GALNT9: variants seen among roughly 807,000 people sequenced by gnomAD.
GALNT9 encodes the protein GalNAc transferase 9.
In GALNT9, 47 loss-of-function variants were observed where a neutral mutation model predicts 63.1. That is an observed-to-expected ratio of 0.75 (90% CI 0.59 to 0.95). GALNT9 has a LOEUF of 0.95. GALNT9 is among the 40% of genes least tolerant of loss of function. GALNT9 has a pLI of 0.00. For synonymous variants in GALNT9, 396 were observed against 365.7 expected (o/e 1.08, Z -0.94); for missense variants, 829 against 874.8 (o/e 0.95, Z 0.66).
intron 6 of GALNT9, among the ~76,000 whole-genome samples, chr12:132,227,434 C>T (rs1002537643): frequency 4.9e-4 from 74 of 152,296 alleles, no homozygotes; most frequent in African/African-American, 1.5e-3. Flanking sequence ...CCTCAGGCCG[C>T]GTTACACCCA....
intron 6 of GALNT9, among the ~76,000 whole-genome samples, chr12:132,222,790 G>A (rs936376449): frequency 6.6e-6 from 1 of 151,562 alleles, no homozygotes; most frequent in African/African-American, 2.4e-5. Context: ...AGATACGGAC[G>A]CTATGGACGC....
chr12:132,239,643 GAGACAGAGTCAGAGAC>G (rs1555236710), intron 6 of GALNT9, among the ~76,000 whole-genome samples: 2 of 148,798 alleles, frequency 1.3e-5, no homozygotes, highest in African/African-American at 4.9e-5. Context: ...GACAGAGTCA[GAGACAGAGTCAGAGAC>G]AGAGAGAGAC....
rs1179738641 is a variant in GALNT9, at chr12:132,316,047, T to C, written c.238+12919A>G. 6.6e-6 allele frequency among the ~76,000 whole-genome samples: 1 copy of C among 152,054 alleles called. No individual in the cohort carries two copies. The highest frequency in any genetic ancestry group is 3.2e-3 in the Middle Eastern group (1 of 316). ...GCCCCCGAAACGGCCGCCCACCCCC[T>C]CACGCCTGCAGGTCTTGGGTTCCGT... On this transcript the variant is annotated intron_variant, in intron 1 of 10. Transcript: ENST00000328957. The surrounding 1 kb of genome is among the most constrained non-coding windows in gnomAD (Gnocchi z 4.3).
In GALNT9 at chr12:132,245,566, G is replaced by A. The variant is rs528568281; in HGVS notation, c.1077+2344C>T. The stretch of plus-strand genomic sequence containing the variant: ...GCCTGCTGACCCTCGCCCAGCCAGG[G>A]CCCTCCGTGGTCCGGCACCCACACC... On this transcript the variant is annotated intron_variant, in intron 6 of 10. Coordinates refer to ENST00000328957, the MANE Select transcript of GALNT9 (RefSeq NM_001122636.2). The surrounding 1 kb of genome is among the most constrained non-coding windows in gnomAD (Gnocchi z 6.3). Among the ~76,000 whole-genome samples, 9 of 149,822 alleles carry A rather than the reference G, an allele frequency of 6.0e-5. No individual in the cohort carries two copies. The East Asian group carries it at 1.8e-3, about 29-fold the overall frequency.
In GALNT9 at chr12:132,282,319, G is replaced by A. The variant is rs1880388084; in HGVS notation, c.419+3931C>T. ...TGGGGTCCCACATCCCACAGAGGGG[G>A]AATCCAATGGGACCCCTGCAGCTCT... On this transcript the variant is annotated intron_variant, in intron 2 of 10. Coordinates refer to ENST00000328957, the MANE Select transcript of GALNT9 (RefSeq NM_001122636.2). The surrounding 1 kb of genome is among the most constrained non-coding windows in gnomAD (Gnocchi z 4.5). Among the ~76,000 whole-genome samples the A allele has an allele frequency of 6.6e-6, 1 of 152,218 alleles. No homozygotes were observed.
At position 132,203,471 on chromosome 12, in the gene GALNT9, C is replaced by T. The variant is rs938177878; in HGVS notation, c.1263+34G>A. 5.0e-6 allele frequency: 8 copies of T among 1,608,336 alleles called. No homozygotes were observed. The African/African-American group carries it at 5.3e-5, about 11-fold the overall frequency. The stretch of plus-strand genomic sequence containing the variant: ...CGTGGCATTGACCCCGACCCTGGGG[C>T]ATGGCCCCGGCTCCCGGCCTGTGGG... On this transcript the variant is annotated intron_variant, in intron 7 of 10. Coordinates refer to ENST00000328957, the MANE Select transcript of GALNT9 (RefSeq NM_001122636.2).
chr12:132,256,615 A>G (rs1373178090), intron 5 of GALNT9, among the ~76,000 whole-genome samples: 1 of 85,572 alleles, frequency 1.2e-5, no homozygotes, highest in Non-Finnish European at 2.2e-5. Flanking sequence ...GAGGGGGAAC[A>G]CTGGAGGGGG....
intron 6 of GALNT9, among the ~76,000 whole-genome samples, chr12:132,204,172 AG>A (rs1565984418): frequency 4.2e-4 from 6 of 14,406 alleles, no homozygotes; most frequent in Non-Finnish European, 1.5e-3. Context: ...CAGCCTCCCC[AG>A]CTAATAAAAC....
chr12:132,233,231 C>T (rs1320404476), intron 6 of GALNT9, among the ~76,000 whole-genome samples: 1 of 20,724 alleles, frequency 4.8e-5, no homozygotes, highest in Non-Finnish European at 9.2e-5. Flanking sequence ...GCCACACACT[C>T]GATGGGGCGA....
chr12:132,257,856 C>T lies in GALNT9; in HGVS notation c.792G>A (p.Glu264=), dbSNP rs1555239281. Reference sequence around the variant, plus strand: ...CTGGCAGCACGATGCGACGCCGGTCCTCTCGGATCCGCGACAGTGCGGGCT... The same window carrying T: ...CTGGCAGCACGATGCGACGCCGGTCTTCTCGGATCCGCGACAGTGCGGGCT... ...WAEPALSRIR[E]DRRRIVLPAI... Residue 264 remains glutamate (E), a synonymous_variant, in exon 5 of 11, where the codon GAG becomes GAA. Coordinates refer to ENST00000328957, the MANE Select transcript of GALNT9 (RefSeq NM_001122636.2). 1.3e-6 allele frequency: 2 copies of T among 1,548,136 alleles called. No individual in the cohort carries two copies. Among genetic ancestry groups the T allele is most frequent in the Non-Finnish European group, 1.7e-6 (2 of 1,146,358 alleles).
intron 1 of GALNT9, among the ~76,000 whole-genome samples, chr12:132,324,609 C>A (rs1483858728): frequency 3.7e-4 from 57 of 152,328 alleles, no homozygotes; most frequent in Admixed American, 3.7e-3. Flanking sequence ...GTGCAGTCTG[C>A]CTGCTGCTGA....
At chr12:132,208,532 C>T (rs1246889795) in intron 6 of GALNT9, among the ~76,000 whole-genome samples, 1 of 152,252 alleles carries the variant, frequency 6.6e-6, no homozygotes, top group East Asian at 1.9e-4. Context: ...CCTCAGGAGA[C>T]TGCACTCACA....
chr12:132,301,640 A>G lies in GALNT9; in HGVS notation c.239-15210T>C, dbSNP rs1881301115. On this transcript the variant is annotated intron_variant, in intron 1 of 10. Coordinates refer to ENST00000328957, the MANE Select transcript of GALNT9 (RefSeq NM_001122636.2). ...GAAAAGGAACATGCCATGTGGACAC[A>G]TTCAGGTTGAACCAGCCCTTGGAGG... is the stretch of plus-strand genomic sequence containing the variant. 6.6e-5 allele frequency among the ~76,000 whole-genome samples: 10 copies of G among 152,390 alleles called. No homozygotes were observed. The South Asian group carries it at 2.1e-3, about 32-fold the overall frequency.
At chr12:132,280,732 C>T (rs1279822004) in intron 2 of GALNT9, 1 of 152,236 alleles carries the variant, frequency 6.6e-6, no homozygotes, top group Non-Finnish European at 1.5e-5. Flanking sequence ...GGAAGAGACC[C>T]CTCAGGGTGG....
chr12:132,227,238 C>G (rs1348731236), intron 6 of GALNT9, among the ~76,000 whole-genome samples: 2 of 152,116 alleles, frequency 1.3e-5, no homozygotes, highest in African/African-American at 4.8e-5. Context: ...ACGGAGGCAC[C>G]GAAATGGCTC....
At chr12:132,325,901 G>A (rs782181300) in intron 1 of GALNT9, among the ~76,000 whole-genome samples, 1 of 152,288 alleles carries the variant, frequency 6.6e-6, no homozygotes, top group Non-Finnish European at 1.5e-5. Context: ...CGCCAGGCAG[G>A]GGTGATTCTC....
chr12:132,209,610 C>T (rs1176293447), intron 6 of GALNT9, among the ~76,000 whole-genome samples: 1 of 152,082 alleles, frequency 6.6e-6, no homozygotes, highest in African/African-American at 2.4e-5. Context: ...AAGATGGCAA[C>T]GAGTGACTTG....
At chr12:132,249,893 C>T (rs1278061906) in intron 5 of GALNT9, among the ~76,000 whole-genome samples, 2 of 152,178 alleles carry the variant, frequency 1.3e-5, no homozygotes, top group Non-Finnish European at 2.9e-5. Flanking sequence ...TTCCGCCACA[C>T]GCGGGGCACA....
intron 4 of GALNT9, among the ~76,000 whole-genome samples, chr12:132,259,087 G>A (rs1879266071): frequency 6.6e-6 from 1 of 152,240 alleles, no homozygotes; most frequent in Non-Finnish European, 1.5e-5. Context: ...TTGTGAGGAG[G>A]ATTAATTAAT....
Sources: allele counts gnomAD v4.1 joint callset (sites outside exome capture counted in the v4.1 genomes callset), GRCh38; gene constraint gnomAD v4.1.1; non-coding constraint Gnocchi (gnomAD v3.1); transcripts MANE v1.5; gene names NCBI Gene and HGNC (gene_info 2026-07-23, HGNC 2026-07-21).